JAK1: variants seen among roughly 807,000 people sequenced by gnomAD.
JAK1 encodes the protein Janus kinase 1.
A neutral mutation model predicts 136.6 loss-of-function variants in JAK1; 16 were observed. The observed-to-expected ratio is 0.12, with a 90% CI of 0.08 to 0.18. The LOEUF is 0.18. JAK1 is among the 10% of genes least tolerant of loss of function. The probability of loss-of-function intolerance (pLI) is 1.00; values close to 1 mark genes in which losing one functional copy is unlikely to be tolerated. For synonymous variants in JAK1, 492 were observed against 519.5 expected (o/e 0.95, Z 0.72); for missense variants, 859 against 1,450.1 (o/e 0.59, Z 6.62).
chr1:65,025,061 A>G (rs766104103), intron 2 of JAK1, among the ~76,000 whole-genome samples: 12 of 152,128 alleles, frequency 7.9e-5, no homozygotes, highest in Non-Finnish European at 1.6e-4. Context: ...ATTCTTGGAT[A>G]GGCCTCACCA....
At chr1:64,895,005 G>A (rs1644994208) in intron 1 of JAK1, among the ~76,000 whole-genome samples, 1 of 152,152 alleles carries the variant, frequency 6.6e-6, no homozygotes, top group South Asian at 2.1e-4. Flanking sequence ...AGCAGCATCA[G>A]GGCAGAGCAG....
upstream of JAK1, among the ~76,000 whole-genome samples, chr1:64,967,283 C>T (rs1049419554): frequency 7.2e-5 from 11 of 152,258 alleles, no homozygotes; most frequent in African/African-American, 2.6e-4. Flanking sequence ...ATTTTATTTC[C>T]TTAGGTATCT....
intron 9 of JAK1, chr1:64,859,745 T>A (rs1419819308): frequency 6.3e-6 from 1 of 159,872 alleles, no homozygotes; most frequent in Non-Finnish European, 1.4e-5. Context: ...GAGCTGAAAC[T>A]ACAGGCACAT....
rs754947915 is a variant in JAK1, at chr1:64,860,251, G to C, written c.1188C>G (p.Leu396=). 5.6e-6 allele frequency: 9 copies of C among 1,604,136 alleles called. No individual in the cohort carries two copies. Among genetic ancestry groups the C allele is most frequent in the South Asian group, 1.1e-5 (1 of 89,822 alleles). ...AGGACAAGGCCTCCTCGTGGGAAGAGAGCTTCAGTTCCTGTTGAGAGAGAA... is the reference window on the plus strand; with the variant it reads ...AGGACAAGGCCTCCTCGTGGGAAGACAGCTTCAGTTCCTGTTGAGAGAGAA... The part of the protein sequence containing the change: ...KQDNKKMELK[L]SSHEEALSFV... The change falls in exon 9 of 25, where the codon CTC becomes CTG. Residue 396 remains leucine, a synonymous_variant. Transcript: ENST00000342505.
intron 2 of JAK1, among the ~76,000 whole-genome samples, chr1:65,025,686 T>C (rs536438239): frequency 4.2e-4 from 64 of 152,186 alleles, no homozygotes; most frequent in Non-Finnish European, 7.4e-4. Context: ...TCTTTTTTCT[T>C]TCCTTTTTTG....
At chr1:64,868,511 T>A (rs1656852289) in intron 6 of JAK1, among the ~76,000 whole-genome samples, 1 of 152,164 alleles carries the variant, frequency 6.6e-6, no homozygotes, top group African/African-American at 2.4e-5. Context: ...GTACCCAAAG[T>A]GAAGGCCACA....
intron 2 of JAK1, among the ~76,000 whole-genome samples, chr1:64,996,561 A>G (rs1489656371): frequency 6.6e-6 from 1 of 152,268 alleles, no homozygotes; most frequent in Non-Finnish European, 1.5e-5. Flanking sequence ...ACATTCTAAC[A>G]AAATGCATTC....
chr1:65,027,293 T>C (rs531004378), intron 2 of JAK1, among the ~76,000 whole-genome samples: 4 of 152,014 alleles, frequency 2.6e-5, no homozygotes, highest in African/African-American at 7.2e-5. Context: ...CCTCAAGTGA[T>C]CCGCCCATCT....
chr1:64,954,920 C>T (rs1646155886), intron 1 of JAK1, among the ~76,000 whole-genome samples: 2 of 152,164 alleles, frequency 1.3e-5, no homozygotes, highest in Non-Finnish European at 2.9e-5. Flanking sequence ...GAAAACACAT[C>T]AATTTTTTTC....
chr1:65,038,938 TTGTGTG>T (rs150814115), intron 2 of JAK1, among the ~76,000 whole-genome samples: 1 of 147,854 alleles, frequency 6.8e-6, no homozygotes, highest in Non-Finnish European at 1.5e-5. Context: ...GCACCCAGTC[TTGTGTG>T]TGTGTGTGTG....
rs565461772 is a variant in JAK1 at position 64,988,749 on chromosome 1, C to T, written c.-78+55731G>A. ...AATAAAAAAATAAAAATCAGCCAGG[C>T]CTGGTGGTGCATGCCTGTAGTCCCA... On this transcript the variant is annotated intron_variant, in intron 2 of 25. Transcript: ENST00000671954. 2.4e-3 allele frequency among the ~76,000 whole-genome samples: 356 copies of T among 151,482 alleles called. 3 individuals carry two copies. Among genetic ancestry groups the T allele is most frequent in the African/African-American group, 8.3e-3 (342 of 41,326 alleles).
chr1:64,851,133 A>G (rs1355056815), intron 11 of JAK1, among the ~76,000 whole-genome samples: 1 of 152,172 alleles, frequency 6.6e-6, no homozygotes, highest in African/African-American at 2.4e-5. Flanking sequence ...GGAAAGCTAC[A>G]ATTTGTTCAG....
In JAK1 at chr1:64,846,680, G is replaced by A. The variant is rs1249980774; in HGVS notation, c.1956C>T (p.Tyr652=). The change falls in exon 14 of 25, where the codon TAC becomes TAT. Residue 652 remains tyrosine, a synonymous_variant. Transcript: ENST00000342505. ...CGTCGCGGACACAGACGCCATAGAG[G>A]TACACGATGTGTTTGTGGGAGACCT... The part of the protein sequence containing the change: ...MRQVSHKHIV[Y]LYGVCVRDVE... 9 of 1,614,068 alleles carry A rather than the reference G, an allele frequency of 5.6e-6. No individual in the cohort carries two copies. In the Admixed American group the frequency reaches 1.0e-4, roughly 18 times the overall value.
intron 2 of JAK1, among the ~76,000 whole-genome samples, chr1:65,036,720 T>C (rs1432156895): frequency 6.6e-6 from 1 of 152,206 alleles, no homozygotes; most frequent in Non-Finnish European, 1.5e-5. Context: ...GGAGCATTGC[T>C]CTTTATAATA....
At chr1:64,857,812 C>T in intron 9 of JAK1, 33 bp from the exon 10 acceptor site, 1 of 1,612,630 alleles carries the variant, frequency 6.2e-7, no homozygotes. Context: ...GGAGAAAGAG[C>T]TCACACCAAA....
intron 1 of JAK1, among the ~76,000 whole-genome samples, chr1:64,912,875 G>A (rs1008830241): frequency 1.3e-5 from 2 of 152,156 alleles, no homozygotes; most frequent in Non-Finnish European, 2.9e-5. Flanking sequence ...CTGATTGGCT[G>A]GCTGGAAAGA....
Position 64,834,165 on chromosome 1 carries a change from C to T in JAK1, c.*397G>A, listed in dbSNP as rs1654321885. ...AATGTGCCAGCAAAACATTTCAGAT[C>T]AGCTGGCAGCAGGGAAAAGCAATCA... On this transcript the variant is annotated 3_prime_UTR_variant, in exon 25 of 25. Coordinates refer to ENST00000342505, the MANE Select transcript of JAK1 (RefSeq NM_002227.4). The T allele has an allele frequency of 4.0e-6, 1 of 248,688 alleles. No homozygotes were observed. The highest frequency in any genetic ancestry group is 4.9e-5 in the Admixed American group (1 of 20,414). The allele number at this position is 248,688 out of a possible 1,614,324, so 15.4% of individuals were successfully genotyped here.
At chr1:64,958,462 T>G (rs1385909565) in intron 1 of JAK1, among the ~76,000 whole-genome samples, 1 of 152,256 alleles carries the variant, frequency 6.6e-6, no homozygotes, top group Non-Finnish European at 1.5e-5. Flanking sequence ...AATATTAAAT[T>G]AAGACATTAG....
chr1:64,987,230 A>AT (rs1646608557), intron 2 of JAK1: 1 of 151,976 alleles, frequency 6.6e-6, no homozygotes, highest in Non-Finnish European at 1.5e-5. Flanking sequence ...AATCCATTCT[A>AT]TTTTGCTTGC....
Sources: gnomAD v4.1 joint callset for allele counts (sites outside exome capture counted in the v4.1 genomes callset) on GRCh38, gnomAD v4.1.1 for gene constraint, MANE v1.5 for transcripts, NCBI Gene and HGNC (gene_info 2026-07-23, HGNC 2026-07-21) for gene names.